Variants in NRXN1 observed in about 807,000 individuals in gnomAD.
The protein encoded by NRXN1 is neurexin 1.
A neutral mutation model predicts 150.9 loss-of-function variants in NRXN1; 39 were observed. That is an observed-to-expected ratio of 0.26 (90% CI 0.20 to 0.34). The LOEUF is 0.34. Among genes scored for constraint, NRXN1 ranks in the 10% least tolerant of loss-of-function variants. NRXN1 has a pLI of 1.00. For synonymous variants in NRXN1, 924 were observed against 757.0 expected, an observed-to-expected ratio of 1.22 and a Z score of -3.62; for missense variants, 1,815 against 1,949.9, an observed-to-expected ratio of 0.93 and a Z score of 1.30.
intron 5 of NRXN1, among the ~76,000 whole-genome samples, chr2:50,901,673 A>C (rs1165414918): frequency 6.6e-6 from 1 of 152,226 alleles, no homozygotes; most frequent in Non-Finnish European, 1.5e-5. Flanking sequence ...CAATCTTAAA[A>C]GGAAAGTTCA....
At chr2:50,635,115 C>A (rs927830363) in intron 5 of NRXN1, among the ~76,000 whole-genome samples, 2 of 152,018 alleles carry the variant, frequency 1.3e-5, no homozygotes, top group African/African-American at 4.8e-5. Flanking sequence ...TTACTGATGC[C>A]TGTGGGCATT....
At chr2:50,153,357 T>C (rs1462178256) in intron 18 of NRXN1, among the ~76,000 whole-genome samples, 1 of 151,628 alleles carries the variant, frequency 6.6e-6, no homozygotes, top group Non-Finnish European at 1.5e-5. Flanking sequence ...TTTTTTCCTT[T>C]AAATGAGTCA....
intron 15 of NRXN1, among the ~76,000 whole-genome samples, chr2:50,483,134 C>A (rs889231867): frequency 6.6e-6 from 1 of 150,922 alleles, no homozygotes; most frequent in Non-Finnish European, 1.5e-5. Context: ...GCTCACTGCT[C>A]ACTATATGCT....
chr2:50,900,537 G>T (rs1682766918), intron 5 of NRXN1, among the ~76,000 whole-genome samples: 1 of 152,070 alleles, frequency 6.6e-6, no homozygotes, highest in Admixed American at 6.6e-5. Context: ...GGGAAGGCGG[G>T]TACAAGTAAG....
At chr2:50,774,358 T>C (rs1193123613) in intron 5 of NRXN1, among the ~76,000 whole-genome samples, 1 of 152,112 alleles carries the variant, frequency 6.6e-6, no homozygotes, top group Non-Finnish European at 1.5e-5. Context: ...ATGAGTTGAT[T>C]TGAGGGCATT....
In NRXN1 at chr2:50,347,960, C is replaced by T. The variant is rs747190957; in HGVS notation, c.3365-110990G>A. On this transcript the variant is annotated intron_variant, in intron 17 of 22. Transcript: ENST00000401669. This position sits in a 1 kb window ranked among gnomAD's most constrained non-coding sequence, Gnocchi z 4.9. ...TCAAAGGGACACGTGTAAGGCGAAA[C>T]GGGAACACCTAAAAAGCAACTCTCC... 8.5e-5 allele frequency among the ~76,000 whole-genome samples: 13 copies of T among 152,082 alleles called. No individual in the cohort carries two copies. The highest frequency in any genetic ancestry group is 1.8e-4 in the Non-Finnish European group (12 of 68,014).
chr2:50,032,183 T>A (rs1689275538), intron 21 of NRXN1, among the ~76,000 whole-genome samples: 1 of 152,048 alleles, frequency 6.6e-6, no homozygotes, highest in Non-Finnish European at 1.5e-5. Context: ...ATACTGAAAG[T>A]CTGGTGACAT....
intron 8 of NRXN1, among the ~76,000 whole-genome samples, chr2:50,575,290 T>C (rs918032670): frequency 2.0e-5 from 3 of 152,170 alleles, no homozygotes; most frequent in Non-Finnish European, 4.4e-5. Flanking sequence ...ATGAATGAAG[T>C]TTGTGTGCAT....
At chr2:50,584,125 T>G (rs1312765166) in intron 8 of NRXN1, among the ~76,000 whole-genome samples, 1 of 152,206 alleles carries the variant, frequency 6.6e-6, no homozygotes, top group African/African-American at 2.4e-5. Flanking sequence ...TCAGGATACT[T>G]TTGAAGGAGA....
At chr2:50,929,502 T>C (rs759691454) in intron 2 of NRXN1, among the ~76,000 whole-genome samples, 20 of 151,992 alleles carry the variant, frequency 1.3e-4, no homozygotes, top group Admixed American at 7.9e-4. Context: ...CCTTCTCTGC[T>C]AGATGCCTGT....
chr2:50,691,866 T>G (rs1692135475), intron 5 of NRXN1, among the ~76,000 whole-genome samples: 1 of 152,156 alleles, frequency 6.6e-6, no homozygotes, highest in Non-Finnish European at 1.5e-5. Context: ...CCATTCCCTA[T>G]TCTAAGATGA....
chr2:50,757,691 G>C (rs946269301), intron 5 of NRXN1, among the ~76,000 whole-genome samples: 3 of 151,680 alleles, frequency 2.0e-5, no homozygotes, highest in African/African-American at 7.3e-5. Flanking sequence ...CTTATCACTA[G>C]AATGGTGTAC....
chr2:50,274,832 G>A (rs879491871), intron 17 of NRXN1, among the ~76,000 whole-genome samples: 3 of 151,920 alleles, frequency 2.0e-5, no homozygotes, highest in Non-Finnish European at 4.4e-5. Flanking sequence ...TGCCTAAATA[G>A]AGTCTCGAAG....
chr2:50,319,828 C>A (rs889330315), intron 17 of NRXN1, among the ~76,000 whole-genome samples: 1 of 152,050 alleles, frequency 6.6e-6, no homozygotes, highest in Non-Finnish European at 1.5e-5. Flanking sequence ...CACTAACCTC[C>A]TCTCATATTC....
intron 8 of NRXN1, among the ~76,000 whole-genome samples, chr2:50,593,534 G>C (rs1410670328): frequency 6.6e-6 from 1 of 152,134 alleles, no homozygotes; most frequent in East Asian, 1.9e-4. Context: ...ATGAAGAAAA[G>C]GAAAACACTT....
At chr2:50,443,958 G>T (rs1318239927) in intron 17 of NRXN1, among the ~76,000 whole-genome samples, 1 of 152,074 alleles carries the variant, frequency 6.6e-6, no homozygotes. Flanking sequence ...GGGCATAAAA[G>T]GAAGAATTAA....
chr2:50,351,226 C>T (rs1323209926), intron 17 of NRXN1, among the ~76,000 whole-genome samples: 2 of 152,128 alleles, frequency 1.3e-5, no homozygotes, highest in African/African-American at 4.8e-5. Context: ...TTTTGGCTAA[C>T]TGTAATGTAT....
chr2:50,631,082 T>G (rs1246185914), intron 5 of NRXN1: 1 of 451,558 alleles, frequency 2.2e-6, no homozygotes, highest in Non-Finnish European at 4.5e-6. Context: ...AATTGATTAT[T>G]ACAAGTAAAA....
chr2:50,097,176 G>A (rs980445625), intron 18 of NRXN1, among the ~76,000 whole-genome samples: 1 of 152,176 alleles, frequency 6.6e-6, no homozygotes, highest in Non-Finnish European at 1.5e-5. Context: ...AAATAAAAAT[G>A]TCTCTCTCTG....
Sources: gnomAD v4.1 joint callset for allele counts (sites outside exome capture counted in the v4.1 genomes callset) on GRCh38, gnomAD v4.1.1 for gene constraint, Gnocchi (gnomAD v3.1) non-coding constraint, MANE v1.5 for transcripts, NCBI Gene and HGNC (gene_info 2026-07-23, HGNC 2026-07-21) for gene names.